Variants in KAZN observed in about 807,000 individuals in gnomAD.
KAZN encodes the protein kazrin, periplakin interacting protein.
In KAZN, 40 loss-of-function variants were observed where a neutral mutation model predicts 87.4. The observed-to-expected ratio is 0.46, with a 90% CI of 0.36 to 0.60. The LOEUF is 0.60. KAZN is among the 20% of genes least tolerant of loss of function. KAZN has a pLI of 0.00. For missense variants in KAZN, 898 were observed against 1,073.9 expected (o/e 0.84, Z 2.29); for synonymous variants, 466 against 458.3 (o/e 1.02, Z -0.22).
intron 1 of KAZN, among the ~76,000 whole-genome samples, chr1:14,083,672 C>T (rs1427640154): frequency 6.6e-6 from 1 of 152,154 alleles, no homozygotes; most frequent in Non-Finnish European, 1.5e-5. Context: ...GTTACAGAAG[C>T]CAATATGTGT....
intron 1 of KAZN, among the ~76,000 whole-genome samples, chr1:14,619,071 G>A (rs2148636397): frequency 6.6e-6 from 1 of 152,274 alleles, no homozygotes; most frequent in Middle Eastern, 3.4e-3. Context: ...AGAATTAATG[G>A]GGCATTGAGA....
intron 2 of KAZN, among the ~76,000 whole-genome samples, chr1:14,416,497 T>C (rs1664771476): frequency 1.3e-5 from 2 of 152,146 alleles, no homozygotes; most frequent in Admixed American, 1.3e-4. Context: ...AGCACTTTGA[T>C]AGGCCAAGGC....
chr1:14,114,294 G>C (rs1398038683), intron 1 of KAZN, among the ~76,000 whole-genome samples: 2 of 152,134 alleles, frequency 1.3e-5, no homozygotes, highest in African/African-American at 4.8e-5. Context: ...GCCGGCATTG[G>C]GGGGATCAGT....
chr1:14,727,744 G>T (rs1416701202), intron 1 of KAZN, among the ~76,000 whole-genome samples: 1 of 151,680 alleles, frequency 6.6e-6, no homozygotes, highest in Non-Finnish European at 1.5e-5. Context: ...GGGATTACAG[G>T]CGTGAGCCAC....
At chr1:15,036,277 T>TCCCCCTGCCCTGCCC (rs1220515025) in intron 3 of KAZN, among the ~76,000 whole-genome samples, 1 of 13,662 alleles carries the variant, frequency 7.3e-5, no homozygotes, top group Admixed American at 8.1e-4. Context: ...CTGCCCTGCC[T>TCCCCCTGCCCTGCCC]ACCCAGCTCC....
intron 1 of KAZN, among the ~76,000 whole-genome samples, chr1:14,751,907 A>G (rs1644423212): frequency 6.6e-6 from 1 of 152,202 alleles, no homozygotes; most frequent in Admixed American, 6.5e-5. Flanking sequence ...ATTGCTATAA[A>G]GGAATATGTG....
At chr1:14,308,717 G>A (rs1014969838) in intron 2 of KAZN, among the ~76,000 whole-genome samples, 37 of 152,158 alleles carry the variant, frequency 2.4e-4, no homozygotes, top group African/African-American at 8.4e-4. Flanking sequence ...CTACCTCTTA[G>A]CATTTTCTGA....
chr1:14,155,948 CT>C (rs1557521290), intron 1 of KAZN, among the ~76,000 whole-genome samples: 2 of 152,134 alleles, frequency 1.3e-5, no homozygotes, highest in Non-Finnish European at 2.9e-5. Context: ...AGATATTTTT[CT>C]TCTCTTTTGA....
chr1:14,566,735 T>C (rs376594745), intron 2 of KAZN, among the ~76,000 whole-genome samples: 29 of 152,362 alleles, frequency 1.9e-4, no homozygotes, highest in African/African-American at 6.7e-4. Flanking sequence ...ACTTTTATGT[T>C]ACACCAATGC....
At chr1:14,846,163 G>A (rs191724000) in intron 1 of KAZN, among the ~76,000 whole-genome samples, 56 of 152,292 alleles carry the variant, frequency 3.7e-4, no homozygotes, top group Non-Finnish European at 3.4e-4. Flanking sequence ...GTTCTATAGC[G>A]GCATGTCTTG....
At chr1:14,943,309 G>T (rs55672852) in intron 1 of KAZN, among the ~76,000 whole-genome samples, 22,178 of 151,730 alleles carry the variant, frequency 0.15, 2,091 homozygotes, top group East Asian at 0.26. Context: ...GCAGAATAGT[G>T]CCCAAGCCTC....
intron 1 of KAZN, among the ~76,000 whole-genome samples, chr1:14,153,141 GGAGTTGTC>G (rs1474232037): frequency 1.3e-5 from 2 of 152,046 alleles, no homozygotes; most frequent in Non-Finnish European, 2.9e-5. Flanking sequence ...CCAATATTTG[GGAGTTGTC>G]TTGTCACTTT....
At chr1:13,995,791 A>G (rs1448263080) in intron 1 of KAZN, among the ~76,000 whole-genome samples, 1 of 152,212 alleles carries the variant, frequency 6.6e-6, no homozygotes. Context: ...CTTGCTCCTC[A>G]GCCTGCAGAC....
intron 1 of KAZN, among the ~76,000 whole-genome samples, chr1:14,614,292 T>G (rs1020167269): frequency 3.0e-4 from 45 of 152,238 alleles, no homozygotes; most frequent in African/African-American, 1.0e-3. Context: ...TAAGCTGTCT[T>G]ATAATAAACC....
chr1:14,253,138 G>A (rs1196110192), intron 2 of KAZN, among the ~76,000 whole-genome samples: 4 of 148,032 alleles, frequency 2.7e-5, no homozygotes, highest in African/African-American at 1.0e-4. Flanking sequence ...AAAAAAAAAC[G>A]GCCCCACCCG....
chr1:14,436,097 CGG>C (rs1666367760), intron 2 of KAZN, among the ~76,000 whole-genome samples: 1 of 152,012 alleles, frequency 6.6e-6, no homozygotes, highest in African/African-American at 2.4e-5. Context: ...GGTGTGGTGG[CGG>C]GCGCCTGTAA....
At chr1:14,305,282 A>T (rs1281754190) in intron 2 of KAZN, among the ~76,000 whole-genome samples, 1 of 152,136 alleles carries the variant, frequency 6.6e-6, no homozygotes, top group African/African-American at 2.4e-5. Context: ...CATGATATCA[A>T]CCCTACAGAA....
At chr1:14,658,413 C>G (rs1239055009) in intron 1 of KAZN, among the ~76,000 whole-genome samples, 1 of 152,160 alleles carries the variant, frequency 6.6e-6, no homozygotes, top group East Asian at 1.9e-4. Context: ...CTCAGTTCCT[C>G]TATCTGTGAA....
At chr1:14,321,579 G>C (rs1656052728) in intron 2 of KAZN, among the ~76,000 whole-genome samples, 1 of 152,166 alleles carries the variant, frequency 6.6e-6, no homozygotes, top group African/African-American at 2.4e-5. Context: ...CACTAAGGCA[G>C]CCCTAGCCAG....
Sources: gnomAD v4.1 joint callset for allele counts (sites outside exome capture counted in the v4.1 genomes callset) on GRCh38, gnomAD v4.1.1 for gene constraint, MANE v1.5 for transcripts, NCBI Gene and HGNC (gene_info 2026-07-23, HGNC 2026-07-21) for gene names.